ME3: variants seen among roughly 807,000 people sequenced by gnomAD.
The protein encoded by ME3 is malic enzyme 3.
ME3 carries 48 observed loss-of-function variants against 68.9 expected under a neutral mutation model. That is an observed-to-expected ratio of 0.70 (90% CI 0.55 to 0.89). The LOEUF is 0.89. Among genes scored for constraint, ME3 ranks in the 40% least tolerant of loss-of-function variants. The pLI is 0.00. For synonymous variants in ME3, 320 were observed against 318.8 expected, an observed-to-expected ratio of 1.00 and a Z score of -0.04; for missense variants, 675 against 797.4, an observed-to-expected ratio of 0.85 and a Z score of 1.85.
chr11:86,502,788 G>T (rs1952814903), intron 5 of ME3, among the ~76,000 whole-genome samples: 1 of 152,172 alleles, frequency 6.6e-6, no homozygotes, highest in Non-Finnish European at 1.5e-5. Flanking sequence ...GGGAGGCTGT[G>T]CCATATTCTT....
At chr11:86,461,188 C>A (rs1950207999) in intron 8 of ME3, among the ~76,000 whole-genome samples, 1 of 152,188 alleles carries the variant, frequency 6.6e-6, no homozygotes, top group African/African-American at 2.4e-5. Flanking sequence ...AATTCCAAAT[C>A]AGACATAATG....
At chr11:86,600,088 A>G (rs954409549) in intron 2 of ME3, among the ~76,000 whole-genome samples, 2 of 152,230 alleles carry the variant, frequency 1.3e-5, no homozygotes, top group Admixed American at 1.3e-4. Flanking sequence ...ACAGGATCAA[A>G]TTCACACATA....
At chr11:86,454,796 A>C (rs1949825286) in intron 8 of ME3, among the ~76,000 whole-genome samples, 1 of 152,252 alleles carries the variant, frequency 6.6e-6, no homozygotes, top group Non-Finnish European at 1.5e-5. Flanking sequence ...CATAGAATCC[A>C]GAAGGAACTT....
At chr11:86,442,615 T>G (rs1949061343) in intron 14 of ME3, among the ~76,000 whole-genome samples, 1 of 152,000 alleles carries the variant, frequency 6.6e-6, no homozygotes. Context: ...ATCCAGGAGC[T>G]TTCCCAGAAC....
At chr11:86,542,097 G>A (rs1956082019) in intron 4 of ME3, among the ~76,000 whole-genome samples, 3 of 152,256 alleles carry the variant, frequency 2.0e-5, no homozygotes, top group South Asian at 4.2e-4. Context: ...AAACAGAAAG[G>A]AATAGCATCA....
At chr11:86,615,328 C>T (rs1942882649) in intron 2 of ME3, among the ~76,000 whole-genome samples, 2 of 152,150 alleles carry the variant, frequency 1.3e-5, no homozygotes, top group African/African-American at 4.8e-5. Flanking sequence ...ATTAACTATT[C>T]AATCATGAAT....
intron 2 of ME3, among the ~76,000 whole-genome samples, chr11:86,638,414 T>A (rs1540083): frequency 0.35 from 52,298 of 149,980 alleles, 10,830 homozygotes; most frequent in Non-Finnish European, 0.47. Context: ...TTACTATTGA[T>A]TTTTCATATA....
At chr11:86,589,821 T>G (rs1958957515) in intron 2 of ME3, among the ~76,000 whole-genome samples, 1 of 152,228 alleles carries the variant, frequency 6.6e-6, no homozygotes, top group South Asian at 2.1e-4. Flanking sequence ...GGGATCTTAC[T>G]TGTAAATATC....
chr11:86,517,538 T>TCG (rs752720698), intron 4 of ME3, among the ~76,000 whole-genome samples: 42 of 152,246 alleles, frequency 2.8e-4, no homozygotes, highest in Non-Finnish European at 4.9e-4. Flanking sequence ...CTCCAACCTG[T>TCG]CGACATGTTG....
intron 2 of ME3, among the ~76,000 whole-genome samples, chr11:86,594,517 C>T (rs1959185020): frequency 6.9e-6 from 1 of 144,730 alleles, no homozygotes; most frequent in South Asian, 2.3e-4. Flanking sequence ...ATAAAAACAC[C>T]CCATCTCTAC....
At chr11:86,651,137 C>G (rs982387961) in intron 2 of ME3, among the ~76,000 whole-genome samples, 1 of 152,234 alleles carries the variant, frequency 6.6e-6, no homozygotes, top group Non-Finnish European at 1.5e-5. Flanking sequence ...TCAAGGAGGC[C>G]TGCCTGCCTC....
chr11:86,670,985 CCTTG>C (rs1946897253), intron 2 of ME3, among the ~76,000 whole-genome samples: 1 of 152,102 alleles, frequency 6.6e-6, no homozygotes, highest in Non-Finnish European at 1.5e-5. Flanking sequence ...CTAAATCTGT[CCTTG>C]CTTCTATTTC....
chr11:86,459,689 C>T (rs943748624), intron 8 of ME3, among the ~76,000 whole-genome samples: 2 of 152,188 alleles, frequency 1.3e-5, no homozygotes, highest in African/African-American at 4.8e-5. Context: ...CCGAGAATTT[C>T]AGCCACTTGT....
intron 2 of ME3, among the ~76,000 whole-genome samples, chr11:86,603,799 C>G (rs1463277698): frequency 6.6e-6 from 1 of 151,522 alleles, no homozygotes; most frequent in Non-Finnish European, 1.5e-5. Context: ...TTTGTAGGGG[C>G]ATGGATGAAA....
chr11:86,655,244 C>G (rs939606362), intron 2 of ME3, among the ~76,000 whole-genome samples: 5 of 152,128 alleles, frequency 3.3e-5, no homozygotes, highest in African/African-American at 1.2e-4. Context: ...TTGGAAAAAA[C>G]TACTTTAAAG....
intron 2 of ME3, among the ~76,000 whole-genome samples, chr11:86,641,882 T>TA (rs948758162): frequency 1.3e-4 from 19 of 151,822 alleles, no homozygotes; most frequent in East Asian, 3.9e-4. Context: ...CCTCTTTTTT[T>TA]AAAAAAAAAC....
intron 3 of ME3, among the ~76,000 whole-genome samples, chr11:86,558,609 G>A (rs1270586855): frequency 6.6e-6 from 1 of 152,240 alleles, no homozygotes; most frequent in East Asian, 1.9e-4. Context: ...TCAGGGACCC[G>A]AAGTCTTGGC....
chr11:86,438,243 T>G (rs1593957710), downstream of ME3, among the ~76,000 whole-genome samples: 1 of 152,166 alleles, frequency 6.6e-6, no homozygotes, highest in East Asian at 1.9e-4. Context: ...TCATATGATT[T>G]TTTTGTCTTT....
Position 86,603,390 on chromosome 11 carries a change from C to T in ME3, c.184-43567G>A, listed in dbSNP as rs1961055100. Among the ~76,000 whole-genome samples the T allele has an allele frequency of 2.0e-5, 3 of 152,118 alleles. No individual in the cohort carries two copies. The South Asian group carries it at 6.2e-4, about 32-fold the overall frequency. ...CCATCAGAGAAATGCAAATCAAAAC[C>T]ACAATGAGATACCATCTCACACCAG... On this transcript the variant is annotated intron_variant, in intron 2 of 14. Transcript: ENST00000543262.
Sources: allele counts gnomAD v4.1 joint callset (sites outside exome capture counted in the v4.1 genomes callset), GRCh38; gene constraint gnomAD v4.1.1; transcripts MANE v1.5; gene names NCBI Gene and HGNC (gene_info 2026-07-23, HGNC 2026-07-21).